The following PPP3CC variants were observed in gnomAD, a reference collection of about 807,000 sequenced individuals.
PPP3CC encodes the protein protein phosphatase 3 catalytic subunit gamma.
In PPP3CC, 35 loss-of-function variants were observed where a neutral mutation model predicts 60.3. That is an observed-to-expected ratio of 0.58 (90% confidence interval 0.44 to 0.77). The LOEUF (loss-of-function observed/expected upper bound fraction) is 0.77, where lower values mean the gene tolerates loss of function less well. Among genes scored for constraint, PPP3CC ranks in the 30% least tolerant of loss-of-function variants. The probability of loss-of-function intolerance (pLI) is 0.00; values close to 1 mark genes in which losing one functional copy is unlikely to be tolerated. For missense variants in PPP3CC, 570 were observed against 628.9 expected, an observed-to-expected ratio of 0.91 and a Z score of 1.00; for synonymous variants, 206 against 224.3, an observed-to-expected ratio of 0.92 and a Z score of 0.73.
intron 1 of PPP3CC, among the ~76,000 whole-genome samples, chr8:22,464,607 C>A (rs574204485): frequency 6.6e-6 from 1 of 152,252 alleles, no homozygotes; most frequent in South Asian, 2.1e-4. Flanking sequence ...GTCTCGAACT[C>A]CTGAGCTCAA....
chr8:22,458,325 C>T (rs894942154), intron 1 of PPP3CC, among the ~76,000 whole-genome samples: 6 of 151,950 alleles, frequency 3.9e-5, no homozygotes, highest in South Asian at 4.2e-4. Context: ...CAGCTGGGCT[C>T]GGTGGCTCAC....
Position 22,539,489 on chromosome 8 carries a change from G to A in PPP3CC, c.1342G>A (p.Ala448Thr). 6.2e-7 allele frequency: 1 copy of A among 1,614,040 alleles called. No homozygotes were observed. Among genetic ancestry groups the A allele is most frequent in the Non-Finnish European group, 8.5e-7 (1 of 1,180,002 alleles). ...IETATVEAVE[A>T]REAIRGFSLQ... ...TACAGCCACAGTAGAAGCGGTAGAG[G>A]CCCGGGAAGGTATGGCCATATTACT... Residue 448 changes from alanine to threonine, a missense_variant, in exon 13 of 14, where the codon GCC becomes ACC. Physicochemically the swap from Ala to Thr is moderately conservative, Grantham distance 58 (BLOSUM62 0). Transcript: ENST00000240139.
At position 22,527,505 on chromosome 8, in the gene PPP3CC, G is replaced by A. The variant is rs373349687; in HGVS notation, c.1057G>A (p.Val353Ile). 2 of 1,613,832 alleles carry A rather than the reference G, an allele frequency of 1.2e-6. No homozygotes were observed. Among genetic ancestry groups the A allele is most frequent in the Non-Finnish European group, 1.7e-6 (2 of 1,179,942 alleles). ...TGTTTTCACATGGTCTTTGCCTTTT[G>A]TTGGGGAAAAAGGTAAGAGAACTAA... is the stretch of plus-strand genomic sequence containing the variant. ...MDVFTWSLPF[V>I]GEKVTEMLVN... The change falls in exon 9 of 14, where the codon GTT (valine) becomes ATT (isoleucine). Residue 353 changes from valine (V) to isoleucine (I), a missense_variant. By Grantham distance (29) the Val-to-Ile change is conservative (BLOSUM62 3). Coordinates refer to ENST00000240139, the MANE Select transcript of PPP3CC (RefSeq NM_005605.5).
chr8:22,483,468 A>G (rs1838130882), intron 3 of PPP3CC, among the ~76,000 whole-genome samples: 1 of 152,058 alleles, frequency 6.6e-6, no homozygotes, highest in South Asian at 2.1e-4. Context: ...TTGTATTTTT[A>G]GTAGAGACTG....
intron 3 of PPP3CC, among the ~76,000 whole-genome samples, chr8:22,489,967 G>A (rs908970270): frequency 6.0e-5 from 9 of 150,980 alleles, no homozygotes; most frequent in African/African-American, 2.2e-4. Flanking sequence ...GATTAGAGGC[G>A]CATGCTACCA....
At chr8:22,442,761 TTAACA>T (rs1402682079) in intron 1 of PPP3CC, among the ~76,000 whole-genome samples, 1 of 152,244 alleles carries the variant, frequency 6.6e-6, no homozygotes, top group Non-Finnish European at 1.5e-5. Flanking sequence ...CAGAGTGTAC[TTAACA>T]TAACCTTTTT....
chr8:22,532,338 A>G (rs750110432), intron 11 of PPP3CC, 32 bp downstream of exon 11: 4 of 1,547,878 alleles, frequency 2.6e-6, no homozygotes, highest in Non-Finnish European at 3.6e-6. Context: ...GTGCGGATTA[A>G]AGGCATTTTG....
At chr8:22,485,049 G>T (rs1563725045) in intron 3 of PPP3CC, among the ~76,000 whole-genome samples, 1 of 152,044 alleles carries the variant, frequency 6.6e-6, no homozygotes, top group Non-Finnish European at 1.5e-5. Flanking sequence ...TCTAACTGTG[G>T]TCTTTTAGTT....
At chr8:22,452,921 ACTC>A (rs1405829242) in intron 1 of PPP3CC, among the ~76,000 whole-genome samples, 2 of 151,868 alleles carry the variant, frequency 1.3e-5, no homozygotes, top group Non-Finnish European at 2.9e-5. Context: ...TTCACAATAA[ACTC>A]CTCTCTTTAA....
chr8:22,530,537 A>AAATG (rs71206527), intron 10 of PPP3CC, among the ~76,000 whole-genome samples: 63,208 of 150,814 alleles, frequency 0.42, 13,538 homozygotes, highest in East Asian at 0.57. Flanking sequence ...ATAAATAAAT[A>AAATG]AAAAGGAAGA....
intron 1 of PPP3CC, among the ~76,000 whole-genome samples, chr8:22,471,343 A>G (rs1424646670): frequency 6.9e-6 from 1 of 145,842 alleles, no homozygotes; most frequent in Admixed American, 7.0e-5. Context: ...AGATGTATAT[A>G]TGGTCCCCTA....
At chr8:22,475,668 C>A in intron 3 of PPP3CC, 44 bp downstream of exon 3, 1 of 1,485,986 alleles carries the variant, frequency 6.7e-7, no homozygotes, top group Admixed American at 2.2e-5. Context: ...TATTGTCTTT[C>A]AAAAAAGATG....
At position 22,530,508 on chromosome 8, in the gene PPP3CC, AAAAT is replaced by A. The variant is rs754526584; in HGVS notation, c.1142-1689_1142-1686del. Among the ~76,000 whole-genome samples, 189 of 122,342 alleles carry A rather than the reference AAAAT, an allele frequency of 1.5e-3. 1 individual carries two copies. Among genetic ancestry groups the A allele is most frequent in the East Asian group, 0.011 (40 of 3,766 alleles). 80.3% of individuals were successfully genotyped at this position (122,342 alleles called of 152,430 possible). On this transcript the variant is annotated intron_variant, in intron 10 of 13. Transcript: ENST00000240139. ...CCTATTCTTTCCCACCACAAACATA[AAAAT>A]AAATAAATAAATAAATAAATAAATA...
At chr8:22,522,794 G>T in intron 8 of PPP3CC, 45 bp downstream of exon 8, 1 of 1,327,880 alleles carries the variant, frequency 7.5e-7, no homozygotes, top group Non-Finnish European at 1.1e-6. Context: ...ATGAGTAAAC[G>T]TGAGCTCTGG....
chr8:22,471,988 A>G (rs1837736406), intron 1 of PPP3CC, among the ~76,000 whole-genome samples: 1 of 152,054 alleles, frequency 6.6e-6, no homozygotes, highest in Admixed American at 6.6e-5. Context: ...TTAGCCAGGC[A>G]TGGTGGCGCA....
intron 1 of PPP3CC, among the ~76,000 whole-genome samples, chr8:22,442,742 CTT>C (rs577997265): frequency 1.3e-5 from 2 of 152,164 alleles, no homozygotes; most frequent in African/African-American, 2.4e-5. Context: ...ATAGCCCTCT[CTT>C]AAGATTCAGA....
intron 5 of PPP3CC, among the ~76,000 whole-genome samples, chr8:22,512,804 C>T (rs968284914): frequency 1.3e-5 from 2 of 152,134 alleles, no homozygotes; most frequent in African/African-American, 4.8e-5. Context: ...AGACCGGGCG[C>T]GGTGGTTCAC....
intron 1 of PPP3CC, among the ~76,000 whole-genome samples, chr8:22,451,718 A>G (rs994893768): frequency 6.6e-6 from 1 of 151,864 alleles, no homozygotes; most frequent in African/African-American, 2.4e-5. Context: ...GTAGGTGGCT[A>G]AGGGTAGTGA....
chr8:22,527,987 A>G (rs1455898233), intron 9 of PPP3CC, among the ~76,000 whole-genome samples: 1 of 152,166 alleles, frequency 6.6e-6, no homozygotes, highest in Non-Finnish European at 1.5e-5. Context: ...TTAATATATT[A>G]TGGTTTTTTT....
Sources: gnomAD v4.1 joint callset for allele counts (sites outside exome capture counted in the v4.1 genomes callset) on GRCh38, gnomAD v4.1.1 for gene constraint, MANE v1.5 for transcripts, NCBI Gene and HGNC (gene_info 2026-07-23, HGNC 2026-07-21) for gene names.